The following ERICH1 variants were observed in gnomAD, a reference collection of about 807,000 sequenced individuals.
The protein encoded by ERICH1 is glutamate-rich protein 1.
Under a neutral mutation model 39.6 loss-of-function variants are expected in ERICH1, and 56 were observed. The observed-to-expected ratio is 1.41, with a 90% CI of 1.14 to 1.77. ERICH1 has a LOEUF of 1.77. Among genes scored for constraint, ERICH1 ranks in the 40% most tolerant of loss-of-function variants. The pLI is 0.00. For missense variants in ERICH1, 826 were observed against 575.4 expected, an observed-to-expected ratio of 1.44 and a Z score of -4.45; for synonymous variants, 313 against 223.6, an observed-to-expected ratio of 1.40 and a Z score of -3.57.
At chr8:679,851 AG>A in intron 3 of ERICH1, among the ~76,000 whole-genome samples, 1 of 149,790 alleles carries the variant, frequency 6.7e-6, no homozygotes, top group African/African-American at 2.5e-5. Flanking sequence ...CTGTGAACAC[AG>A]AAGATGCAAG....
At chr8:621,066 G>A (rs1797251780) in intron 3 of ERICH1, among the ~76,000 whole-genome samples, 2 of 152,122 alleles carry the variant, frequency 1.3e-5, no homozygotes, top group South Asian at 4.1e-4. Context: ...AAATCATAAA[G>A]TATATTGTCT....
intron 3 of ERICH1, among the ~76,000 whole-genome samples, chr8:650,400 A>G (rs1369993908): frequency 6.6e-6 from 1 of 152,184 alleles, no homozygotes; most frequent in Non-Finnish European, 1.5e-5. Context: ...TGCCTCACGG[A>G]TGCCACCCAC....
intron 3 of ERICH1, chr8:616,315 G>A (rs769777129): frequency 1.2e-5 from 4 of 338,852 alleles, no homozygotes; most frequent in South Asian, 6.7e-5. Context: ...CATGGGGCAA[G>A]AGGGACGCGT....
intron 1 of ERICH1, among the ~76,000 whole-genome samples, chr8:730,451 A>G (rs1563389454): frequency 6.6e-6 from 1 of 152,240 alleles, no homozygotes; most frequent in African/African-American, 2.4e-5. Context: ...CACGAGATTC[A>G]TGTCAAAAAC....
intron 3 of ERICH1, among the ~76,000 whole-genome samples, chr8:639,950 G>C (rs532052114): frequency 1.3e-5 from 2 of 152,310 alleles, no homozygotes; most frequent in South Asian, 4.1e-4. Flanking sequence ...TTCCAGGTAA[G>C]ATTCTCAAGA....
chr8:683,955 G>C (rs1054314045), intron 3 of ERICH1, among the ~76,000 whole-genome samples: 1 of 152,188 alleles, frequency 6.6e-6, no homozygotes, highest in Admixed American at 6.5e-5. Flanking sequence ...TTCTAGATTA[G>C]TTTTGAATAG....
intron 3 of ERICH1, among the ~76,000 whole-genome samples, chr8:641,532 TC>T (rs1563179947): frequency 6.6e-6 from 1 of 152,258 alleles, no homozygotes; most frequent in Non-Finnish European, 1.5e-5. Context: ...GTAATGTATT[TC>T]CTCAAAGGTG....
chr8:626,971 A>C (rs774257113), intron 3 of ERICH1: 90 of 383,980 alleles, frequency 2.3e-4, no homozygotes, highest in Non-Finnish European at 3.1e-4. Flanking sequence ...TGTGCCGTGG[A>C]GGAGGAAAGC....
At chr8:686,915 T>C (rs182944041) in intron 3 of ERICH1, among the ~76,000 whole-genome samples, 149 of 150,966 alleles carry the variant, frequency 9.9e-4, no homozygotes, top group African/African-American at 3.4e-3. Flanking sequence ...TGTCAGGCCC[T>C]TGAGAGGGTG....
chr8:631,886 G>C (rs1584965375), intron 3 of ERICH1, among the ~76,000 whole-genome samples: 2 of 152,092 alleles, frequency 1.3e-5, no homozygotes, highest in South Asian at 2.1e-4. Flanking sequence ...AGTCAATGCT[G>C]TACTTGTTTC....
At chr8:671,024 C>T (rs1443689228) in intron 4 of ERICH1, among the ~76,000 whole-genome samples, 1 of 151,892 alleles carries the variant, frequency 6.6e-6, no homozygotes, top group Non-Finnish European at 1.5e-5. Flanking sequence ...AACCTGCCGG[C>T]CCCTGCTCCA....
At chr8:709,034 G>A (rs1669622) in intron 2 of ERICH1, among the ~76,000 whole-genome samples, 1 of 152,098 alleles carries the variant, frequency 6.6e-6, no homozygotes, top group Non-Finnish European at 1.5e-5. Context: ...TCTGGAATTA[G>A]ATGGTGGTAA....
chr8:683,436 C>T (rs1806585263), intron 3 of ERICH1, among the ~76,000 whole-genome samples: 1 of 152,226 alleles, frequency 6.6e-6, no homozygotes, highest in Admixed American at 6.5e-5. Context: ...TGAGGGTCAG[C>T]AGGTGCCTGA....
intron 3 of ERICH1, among the ~76,000 whole-genome samples, chr8:621,995 C>T (rs779371674): frequency 6.6e-6 from 1 of 152,072 alleles, no homozygotes; most frequent in Non-Finnish European, 1.5e-5. Context: ...CATGACGATC[C>T]CTTGAGGCCA....
rs748410001 is a variant in ERICH1, at chr8:673,919, C to G, written c.433G>C (p.Glu145Gln). 2.5e-6 allele frequency: 4 copies of G among 1,613,340 alleles called. No homozygotes were observed. The Admixed American group carries it at 6.7e-5, about 27-fold the overall frequency. ...TCTGTGTGCTGTCGCTGAGATTTCTCCTGTAACAGACTCTGCTGTTTCTCT... is the reference window on the plus strand; with the variant it reads ...TCTGTGTGCTGTCGCTGAGATTTCTGCTGTAACAGACTCTGCTGTTTCTCT... Reference protein sequence around the residue: ...ELEKQQSLLQEKSQRQHTDGT... With the variant: ...ELEKQQSLLQQKSQRQHTDGT... The change falls in exon 4 of 6, where the codon GAG (glutamate) becomes CAG (glutamine). Residue 145 changes from glutamate to glutamine, a missense_variant. Coordinates refer to ENST00000262109, the MANE Select transcript of ERICH1 (RefSeq NM_207332.3).
intron 3 of ERICH1, among the ~76,000 whole-genome samples, chr8:652,895 G>A (rs958261655): frequency 1.3e-5 from 2 of 152,154 alleles, no homozygotes; most frequent in African/African-American, 4.8e-5. Flanking sequence ...AAAACCACGA[G>A]GTGCTGCTTC....
chr8:669,049 G>C, intron 4 of ERICH1: 3 of 491,460 alleles, frequency 6.1e-6, no homozygotes, highest in Admixed American at 7.6e-5. Context: ...CTACACCTCT[G>C]TCTGGTGAGA....
intron 2 of ERICH1, among the ~76,000 whole-genome samples, chr8:702,865 G>T (rs1662284085): frequency 6.6e-6 from 1 of 152,198 alleles, no homozygotes; most frequent in South Asian, 2.1e-4. Flanking sequence ...CCAGATGGAA[G>T]CCTGTCTCCG....
At chr8:662,868 G>A (rs1801637858), downstream of ERICH1, among the ~76,000 whole-genome samples, 1 of 152,098 alleles carries the variant, frequency 6.6e-6, no homozygotes, top group Non-Finnish European at 1.5e-5. Flanking sequence ...GGAAGAGAAG[G>A]GAGGGCAGGG....
Sources: allele counts gnomAD v4.1 joint callset (sites outside exome capture counted in the v4.1 genomes callset), GRCh38; gene constraint gnomAD v4.1.1; transcripts MANE v1.5; gene names NCBI Gene and HGNC (gene_info 2026-07-23, HGNC 2026-07-21).